The following TRERF1 variants were observed in gnomAD, a reference collection of about 807,000 sequenced individuals.
TRERF1 encodes the protein transcriptional-regulating factor 1.
TRERF1 carries 27 observed loss-of-function variants against 122.9 expected under a neutral mutation model. The observed-to-expected ratio is 0.22, with a 90% CI of 0.16 to 0.30. TRERF1 has a LOEUF of 0.30. TRERF1 is among the 10% of genes least tolerant of loss of function. The pLI, the probability that TRERF1 is intolerant of heterozygous loss-of-function variation, is 1.00. For synonymous variants in TRERF1, 636 were observed against 641.7 expected, an observed-to-expected ratio of 0.99 and a Z score of 0.13; for missense variants, 1,248 against 1,560.3, an observed-to-expected ratio of 0.80 and a Z score of 3.37.
rs1244727436 is a variant in TRERF1 at position 42,269,714 on chromosome 6, A to G, written c.-124T>C. 5 of 1,455,380 alleles carry G rather than the reference A, an allele frequency of 3.4e-6. No homozygotes were observed. The highest frequency in any genetic ancestry group is 5.1e-5 in the Admixed American group (2 of 39,264). 90.2% of individuals were successfully genotyped at this position (1,455,380 alleles called of 1,614,324 possible). A position where few individuals can be genotyped will look rare whatever the true frequency, so the allele number is the denominator to read the frequency against. ...GTGTCAGCACTACTCCACGGCTGACATGTCTGTGAACGTGGCTGGAGCCAG... is the reference window on the plus strand; with the variant it reads ...GTGTCAGCACTACTCCACGGCTGACGTGTCTGTGAACGTGGCTGGAGCCAG... On this transcript the variant is annotated 5_prime_UTR_variant, in exon 5 of 18. The change abolishes an upstream ATG in the 5' untranslated region. Coordinates refer to ENST00000372922, the Ensembl canonical transcript of TRERF1. This position sits in a 1 kb window ranked among gnomAD's most constrained non-coding sequence, Gnocchi z 4.9.
At chr6:42,338,914 CCAGA>C (rs1411701693) in intron 3 of TRERF1, among the ~76,000 whole-genome samples, 2 of 152,126 alleles carry the variant, frequency 1.3e-5, no homozygotes, top group Non-Finnish European at 2.9e-5. Flanking sequence ...TTGGTCTGTG[CCAGA>C]CAGTTGGCTG....
intron 4 of TRERF1, among the ~76,000 whole-genome samples, chr6:42,292,803 T>C (rs1273287919): frequency 1.3e-5 from 2 of 152,230 alleles, no homozygotes; most frequent in Non-Finnish European, 2.9e-5. Context: ...CTTTACCTGG[T>C]ATCACCACCT....
chr6:42,401,507 ATAACT>A (rs1562139546), intron 2 of TRERF1, among the ~76,000 whole-genome samples: 2 of 152,214 alleles, frequency 1.3e-5, no homozygotes, highest in Non-Finnish European at 2.9e-5. Context: ...GAGAGGCTAC[ATAACT>A]TAACCAGAGC....
chr6:42,429,059 C>A (rs974116081), intron 2 of TRERF1, among the ~76,000 whole-genome samples: 1 of 152,170 alleles, frequency 6.6e-6, no homozygotes, highest in Non-Finnish European at 1.5e-5. Flanking sequence ...GCCCAGCAGG[C>A]GCTGGGTGAA....
At chr6:42,304,734 A>G (rs1247401897) in intron 3 of TRERF1, among the ~76,000 whole-genome samples, 8 of 151,386 alleles carry the variant, frequency 5.3e-5, no homozygotes, top group Admixed American at 4.6e-4. Flanking sequence ...CAATGAAAAA[A>G]CTCTCCAGAC....
intron 2 of TRERF1, among the ~76,000 whole-genome samples, chr6:42,421,767 G>A (rs1216203033): frequency 6.6e-5 from 10 of 151,634 alleles, no homozygotes; most frequent in Admixed American, 6.6e-4. Context: ...GAGCAATGCT[G>A]TCTCAAAATT....
At chr6:42,240,083 A>G (rs1773308928) in intron 15 of TRERF1, among the ~76,000 whole-genome samples, 1 of 152,332 alleles carries the variant, frequency 6.6e-6, no homozygotes, top group East Asian at 1.9e-4. Flanking sequence ...AAGCCCAGGC[A>G]GTCCGAGACG....
At chr6:42,441,296 C>A (rs1786472749) in intron 2 of TRERF1, among the ~76,000 whole-genome samples, 1 of 152,184 alleles carries the variant, frequency 6.6e-6, no homozygotes, top group Non-Finnish European at 1.5e-5. Flanking sequence ...ATCACCCCGC[C>A]TCTATCAGAA....
chr6:42,349,034 G>A (rs1768875326), intron 3 of TRERF1, among the ~76,000 whole-genome samples: 1 of 152,190 alleles, frequency 6.6e-6, no homozygotes, highest in Non-Finnish European at 1.5e-5. Flanking sequence ...ATGAGGTAGT[G>A]TAAGCCTAAG....
chr6:42,419,755 T>A (rs543885554), intron 2 of TRERF1, among the ~76,000 whole-genome samples: 82 of 152,300 alleles, frequency 5.4e-4, no homozygotes, highest in Middle Eastern at 3.4e-3. Context: ...TCATTGGCTC[T>A]GGAAGGAAAC....
intron 2 of TRERF1, among the ~76,000 whole-genome samples, chr6:42,408,284 CAT>C (rs1322251704): frequency 8.1e-5 from 10 of 123,508 alleles, no homozygotes; most frequent in Admixed American, 2.5e-4. Flanking sequence ...TATACATACA[CAT>C]GTGTGTGTAT....
At chr6:42,291,033 T>G (rs540236048) in intron 4 of TRERF1, among the ~76,000 whole-genome samples, 1 of 152,204 alleles carries the variant, frequency 6.6e-6, no homozygotes. Flanking sequence ...AAATATTTCA[T>G]AATAACATTC....
chr6:42,429,672 G>A (rs1349635432), intron 2 of TRERF1, among the ~76,000 whole-genome samples: 3 of 152,194 alleles, frequency 2.0e-5, no homozygotes, highest in Admixed American at 6.5e-5. Context: ...CAAGGACACA[G>A]CACTGGACAT....
chr6:42,428,982 G>A (rs916890377), intron 2 of TRERF1, among the ~76,000 whole-genome samples: 2 of 152,174 alleles, frequency 1.3e-5, no homozygotes, highest in Non-Finnish European at 2.9e-5. Flanking sequence ...CCCTCTCGCA[G>A]CAGGCTGAGC....
chr6:42,261,324 T>C (rs954402280), intron 8 of TRERF1, among the ~76,000 whole-genome samples: 1 of 152,094 alleles, frequency 6.6e-6, no homozygotes, highest in Non-Finnish European at 1.5e-5. Flanking sequence ...TTGGGCTCCC[T>C]CTCCTCCAGC....
intron 3 of TRERF1, among the ~76,000 whole-genome samples, chr6:42,316,672 A>G (rs528590597): frequency 2.4e-4 from 36 of 152,300 alleles, no homozygotes; most frequent in African/African-American, 8.2e-4. Context: ...AGCAAGGATG[A>G]TAACAGTCCC....
intron 2 of TRERF1, among the ~76,000 whole-genome samples, chr6:42,417,263 A>G (rs1449838565): frequency 6.6e-6 from 1 of 152,036 alleles, no homozygotes; most frequent in Non-Finnish European, 1.5e-5. Context: ...TTCCCCTCTC[A>G]GTGGAGGCCC....
intron 2 of TRERF1, among the ~76,000 whole-genome samples, chr6:42,402,776 G>A (rs953811318): frequency 6.6e-6 from 1 of 152,198 alleles, no homozygotes. Context: ...AAGATCGAAT[G>A]CTGCCCTCAT....
At chr6:42,255,623 G>A (rs923194381) in intron 12 of TRERF1, among the ~76,000 whole-genome samples, 4 of 152,190 alleles carry the variant, frequency 2.6e-5, no homozygotes, top group Non-Finnish European at 5.9e-5. Flanking sequence ...TGATGTGCAC[G>A]CACATTGAAA....
Sources: gnomAD v4.1 joint callset for allele counts (sites outside exome capture counted in the v4.1 genomes callset) on GRCh38, gnomAD v4.1.1 for gene constraint, Gnocchi (gnomAD v3.1) non-coding constraint, MANE v1.5 for transcripts, NCBI Gene and HGNC (gene_info 2026-07-23, HGNC 2026-07-21) for gene names.